IQSEC1: variants seen among roughly 807,000 people sequenced by gnomAD.
IQSEC1 encodes the protein IQ motif and SEC7 domain-containing protein 1.
A neutral mutation model predicts 91.0 loss-of-function variants in IQSEC1; 31 were observed. That is an observed-to-expected ratio of 0.34 (90% CI 0.26 to 0.46). The LOEUF is 0.46. IQSEC1 is among the 20% of genes least tolerant of loss of function. IQSEC1 has a pLI of 1.00. For synonymous variants in IQSEC1, 699 were observed against 662.6 expected (o/e 1.05, Z -0.84); for missense variants, 1,388 against 1,575.6 (o/e 0.88, Z 2.02).
chr3:13,155,853 G>GA (rs550955094), intron 2 of IQSEC1, among the ~76,000 whole-genome samples: 4 of 151,412 alleles, frequency 2.6e-5, no homozygotes, highest in African/African-American at 7.3e-5. Flanking sequence ...GAATTAAGAG[G>GA]AAAAAAAACA....
chr3:13,215,903 C>T (rs1025830362), intron 1 of IQSEC1, among the ~76,000 whole-genome samples: 5 of 152,240 alleles, frequency 3.3e-5, no homozygotes, highest in Admixed American at 3.3e-4. Flanking sequence ...AACAAGTATC[C>T]TCCGAGCCCC....
intron 1 of IQSEC1, among the ~76,000 whole-genome samples, chr3:13,277,540 G>A (rs963258022): frequency 1.3e-5 from 2 of 152,194 alleles, no homozygotes; most frequent in Non-Finnish European, 2.9e-5. Flanking sequence ...TCGTCTTTCT[G>A]TGGACTCTAC....
At chr3:13,124,306 G>A (rs975467112) in intron 2 of IQSEC1, among the ~76,000 whole-genome samples, 67 of 152,148 alleles carry the variant, frequency 4.4e-4, no homozygotes, top group African/African-American at 1.5e-3. Flanking sequence ...CCCCCACCGA[G>A]CTCACCAACA....
At position 12,909,632 on chromosome 3, in the gene IQSEC1, C is replaced by T. The variant is rs190842418; in HGVS notation, c.2417-198G>A. Among the ~76,000 whole-genome samples the T allele has an allele frequency of 7.7e-4, 117 of 152,320 alleles. No homozygotes were observed. The highest frequency in any genetic ancestry group is 1.1e-3 in the Non-Finnish European group (73 of 68,024). Reference sequence around the variant, plus strand: ...CCGACTTGGGAAAGATGGTCTGTGTCGCTCCACATGTGACTCAGGGACAAA... The same window carrying T: ...CCGACTTGGGAAAGATGGTCTGTGTTGCTCCACATGTGACTCAGGGACAAA... On this transcript the variant is annotated intron_variant, in intron 10 of 13. Coordinates refer to ENST00000613206, the MANE Select transcript of IQSEC1 (RefSeq NM_001134382.3). The surrounding 1 kb of genome is among the most constrained non-coding windows in gnomAD (Gnocchi z 4.9).
chr3:12,987,306 AGCGAG>A (rs1483280109), intron 1 of IQSEC1, among the ~76,000 whole-genome samples: 6 of 152,228 alleles, frequency 3.9e-5, no homozygotes, highest in Non-Finnish European at 7.3e-5. Flanking sequence ...CCTGCCTTGT[AGCGAG>A]AGGTATGGTA....
intron 1 of IQSEC1, among the ~76,000 whole-genome samples, chr3:13,018,843 C>A (rs1293199771): frequency 6.6e-6 from 1 of 152,222 alleles, no homozygotes; most frequent in African/African-American, 2.4e-5. Flanking sequence ...TTCAGAACGT[C>A]TCTAAGAGTC....
At chr3:13,274,697 C>A (rs1695647228) in intron 1 of IQSEC1, among the ~76,000 whole-genome samples, 2 of 152,218 alleles carry the variant, frequency 1.3e-5, no homozygotes, top group South Asian at 4.1e-4. Flanking sequence ...GGAGGTCAGA[C>A]CAACTCAGAG....
At chr3:12,971,845 A>ACC (rs1444118593) in intron 1 of IQSEC1, among the ~76,000 whole-genome samples, 26 of 152,178 alleles carry the variant, frequency 1.7e-4, no homozygotes, top group African/African-American at 6.0e-4. Context: ...AACATGGCGA[A>ACC]ACCCCATCTC....
chr3:12,995,948 G>A (rs1702210254), intron 1 of IQSEC1, among the ~76,000 whole-genome samples: 1 of 152,234 alleles, frequency 6.6e-6, no homozygotes, highest in Non-Finnish European at 1.5e-5. Flanking sequence ...GGAGGCTGAG[G>A]TGGAAGGATC....
intron 1 of IQSEC1, among the ~76,000 whole-genome samples, chr3:13,059,605 T>C (rs1704995209): frequency 6.6e-6 from 1 of 151,980 alleles, no homozygotes; most frequent in South Asian, 2.1e-4. Context: ...TAAAAAAAAT[T>C]AGCCAGTGTG....
At chr3:13,164,883 CA>C (rs780781973) in intron 1 of IQSEC1, among the ~76,000 whole-genome samples, 1 of 152,206 alleles carries the variant, frequency 6.6e-6, no homozygotes, top group Non-Finnish European at 1.5e-5. Context: ...CTGGATGTCC[CA>C]AATTGGATTT....
chr3:13,121,668 G>T (rs1311951163), intron 2 of IQSEC1, among the ~76,000 whole-genome samples: 1 of 152,228 alleles, frequency 6.6e-6, no homozygotes, highest in African/African-American at 2.4e-5. Context: ...GCGCTGGGGG[G>T]ACAGAGTGGT....
chr3:12,948,274 C>A (rs1258056298), intron 1 of IQSEC1, among the ~76,000 whole-genome samples: 8 of 152,242 alleles, frequency 5.3e-5, no homozygotes, highest in Non-Finnish European at 1.2e-4. Flanking sequence ...GCCCCAGCAG[C>A]TGGAGGCAGG....
chr3:13,061,643 G>C (rs1480399491), intron 1 of IQSEC1, among the ~76,000 whole-genome samples: 1 of 152,140 alleles, frequency 6.6e-6, no homozygotes, highest in Non-Finnish European at 1.5e-5. Context: ...GGGGTGCTGG[G>C]CTGGCCTCCC....
At chr3:12,962,873 C>T (rs1700330542) in intron 1 of IQSEC1, among the ~76,000 whole-genome samples, 1 of 152,224 alleles carries the variant, frequency 6.6e-6, no homozygotes, top group South Asian at 2.1e-4. Context: ...AGCTTGTGGG[C>T]TGAGACTTCT....
chr3:13,058,248 G>A (rs1227604591), intron 1 of IQSEC1, among the ~76,000 whole-genome samples: 1 of 152,204 alleles, frequency 6.6e-6, no homozygotes, highest in African/African-American at 2.4e-5. Flanking sequence ...ACTCCAGCCT[G>A]GGCGACAGAG....
At chr3:12,941,545 T>G (rs1698747042) in intron 2 of IQSEC1, 26 bp downstream of exon 2, 1 of 1,524,368 alleles carries the variant, frequency 6.6e-7, no homozygotes, top group Non-Finnish European at 8.9e-7. Flanking sequence ...CTTGCATGTG[T>G]GGCCTGAGGG....
At chr3:13,066,377 C>T (rs1705228814) in intron 1 of IQSEC1, among the ~76,000 whole-genome samples, 4 of 152,380 alleles carry the variant, frequency 2.6e-5, no homozygotes, top group African/African-American at 7.2e-5. Context: ...CAGCTGGTGA[C>T]AACAGAGGGG....
At chr3:13,038,262 G>GTGTATATATATA (rs1491471643) in intron 1 of IQSEC1, among the ~76,000 whole-genome samples, 79 of 101,188 alleles carry the variant, frequency 7.8e-4, no homozygotes, top group Non-Finnish European at 1.1e-3. Flanking sequence ...GTGTGTGTGT[G>GTGTATATATATA]TATATATATA....
Sources: gnomAD v4.1 joint callset for allele counts (sites outside exome capture counted in the v4.1 genomes callset) on GRCh38, gnomAD v4.1.1 for gene constraint, Gnocchi (gnomAD v3.1) non-coding constraint, MANE v1.5 for transcripts, NCBI Gene and HGNC (gene_info 2026-07-23, HGNC 2026-07-21) for gene names.